The following MEI1 variants were observed in gnomAD, a reference collection of about 807,000 sequenced individuals.
MEI1 encodes meiosis inhibitor protein 1.
In MEI1, 103 loss-of-function variants were observed where a neutral mutation model predicts 146.2. That is an observed-to-expected ratio of 0.70 (90% CI 0.60 to 0.83). The LOEUF is 0.83. Among genes scored for constraint, MEI1 ranks in the 40% least tolerant of loss-of-function variants. The pLI is 0.00. For missense variants in MEI1, 1,529 were observed against 1,533.0 expected (o/e 1.00, Z 0.04); for synonymous variants, 652 against 628.2 (o/e 1.04, Z -0.57).
intron 11 of MEI1, among the ~76,000 whole-genome samples, chr22:41,738,005 G>A (rs888921769): frequency 3.3e-5 from 5 of 152,116 alleles, no homozygotes; most frequent in African/African-American, 1.2e-4. Flanking sequence ...ACACAGTAAT[G>A]TATTCAAATA....
intron 1 of MEI1, 102 bp downstream of exon 1, chr22:41,699,814 A>C: frequency 7.3e-7 from 1 of 1,363,674 alleles, no homozygotes; most frequent in Non-Finnish European, 9.7e-7. Flanking sequence ...CCCGACGCGA[A>C]ACCGGGCCCC....
In MEI1 at chr22:41,776,218, G is replaced by T. The variant is rs776156940; in HGVS notation, c.2661G>T (p.Leu887=). 2 of 1,613,976 alleles carry T rather than the reference G, an allele frequency of 1.2e-6. No individual in the cohort carries two copies. The highest frequency in any genetic ancestry group is 2.2e-5 in the South Asian group (2 of 91,082). ...QVGGLIRGHF[L]LILQRLLVEH... ...GCGGTCTTATCCGAGGCCACTTCCTGCTGATCCTGCAGCGTCTGCTAGTGG... is the reference window on the plus strand; with the variant it reads ...GCGGTCTTATCCGAGGCCACTTCCTTCTGATCCTGCAGCGTCTGCTAGTGG... The change falls in exon 21 of 31, where the codon CTG becomes CTT. Residue 887 remains leucine (L), a synonymous_variant. Transcript: ENST00000401548.
chr22:41,716,636 A>G (rs2070210991), intron 5 of MEI1, among the ~76,000 whole-genome samples: 1 of 149,442 alleles, frequency 6.7e-6, no homozygotes, highest in African/African-American at 2.5e-5. Context: ...TCAGCCTCCC[A>G]AAGTGCTGGG....
At chr22:41,716,438 G>A (rs1478101422) in intron 5 of MEI1, among the ~76,000 whole-genome samples, 3 of 136,044 alleles carry the variant, frequency 2.2e-5, no homozygotes, top group Non-Finnish European at 3.1e-5. Flanking sequence ...GTGCAATGGC[G>A]CAATCTCGAC....
intron 15 of MEI1, among the ~76,000 whole-genome samples, 168 bp downstream of exon 15, chr22:41,748,386 C>G (rs1214469668): frequency 6.6e-6 from 1 of 152,068 alleles, no homozygotes; most frequent in Non-Finnish European, 1.5e-5. Flanking sequence ...AGGCAGCAAT[C>G]AAAAGTCATT....
chr22:41,701,839 C>G (rs73887774), intron 1 of MEI1, among the ~76,000 whole-genome samples: 1,584 of 152,170 alleles, frequency 0.01, 28 homozygotes, highest in African/African-American at 0.037. Context: ...AAGTGGGAGG[C>G]TGATTATCCC....
intron 19 of MEI1, among the ~76,000 whole-genome samples, chr22:41,769,443 A>G (rs2075043675): frequency 6.6e-6 from 1 of 151,848 alleles, no homozygotes; most frequent in South Asian, 2.1e-4. Context: ...AATGAGCCAA[A>G]ACTGTAAAAC....
chr22:41,704,115 G>A (rs1361085874), intron 2 of MEI1, among the ~76,000 whole-genome samples: 1 of 152,200 alleles, frequency 6.6e-6, no homozygotes, highest in African/African-American at 2.4e-5. Context: ...ATATCTTCAT[G>A]TGTGAAGTAT....
At chr22:41,775,108 A>G (rs1034639717) in intron 20 of MEI1, among the ~76,000 whole-genome samples, 2 of 152,222 alleles carry the variant, frequency 1.3e-5, no homozygotes, top group African/African-American at 2.4e-5. Flanking sequence ...GCCAGGAGCT[A>G]TCAGTAGGGT....
At chr22:41,712,767 A>G (rs2147301760) in intron 3 of MEI1, among the ~76,000 whole-genome samples, 1 of 149,008 alleles carries the variant, frequency 6.7e-6, no homozygotes, top group South Asian at 2.1e-4. Flanking sequence ...TTAGACATTC[A>G]ATTGGTCTGG....
chr22:41,727,364 G>A (rs1287412353), intron 7 of MEI1, among the ~76,000 whole-genome samples: 1 of 152,180 alleles, frequency 6.6e-6, no homozygotes, highest in Non-Finnish European at 1.5e-5. Context: ...ATTTCTGAAA[G>A]TGTTAGAGGC....
chr22:41,767,655 A>G (rs1329713233), intron 19 of MEI1: 1 of 452,230 alleles, frequency 2.2e-6, no homozygotes, highest in East Asian at 7.0e-5. Context: ...TTGCTTCTCA[A>G]CATTTCAGCT....
intron 2 of MEI1, among the ~76,000 whole-genome samples, chr22:41,705,088 G>C (rs1217337290): frequency 6.6e-6 from 1 of 152,080 alleles, no homozygotes; most frequent in African/African-American, 2.4e-5. Context: ...AATTTAGCTG[G>C]AACATTGTTT....
chr22:41,755,682 A>G (rs865968477), intron 17 of MEI1, among the ~76,000 whole-genome samples: 1 of 152,190 alleles, frequency 6.6e-6, no homozygotes, highest in Non-Finnish European at 1.5e-5. Context: ...GAAATGCAGC[A>G]CATCTCTCAT....
chr22:41,713,147 A>C (rs960670452), intron 3 of MEI1, among the ~76,000 whole-genome samples: 1 of 152,072 alleles, frequency 6.6e-6, no homozygotes, highest in African/African-American at 2.4e-5. Flanking sequence ...AGGTGAGTCT[A>C]ATGTGCAGCC....
chr22:41,741,980 G>A (rs1236683275), intron 11 of MEI1, among the ~76,000 whole-genome samples: 4 of 150,892 alleles, frequency 2.7e-5, no homozygotes, highest in Admixed American at 2.6e-4. Context: ...AAGTTCTCAG[G>A]CTGGGTGCAG....
Position 41,732,286 on chromosome 22 carries a change from A to T in MEI1, c.1138A>T (p.Met380Leu). 1 of 1,612,502 alleles carries T rather than the reference A, an allele frequency of 6.2e-7. No individual in the cohort carries two copies. The highest frequency in any genetic ancestry group is 1.7e-4 in the Middle Eastern group (1 of 6,044). ...GAGGAGCCTGCAGGGAAGCCTGAAG[A>T]TGAACAACATAGAGCTGCACAAGCA... ...VVRSLQGSLK[M>L]NNIELHKQGL... Residue 380 changes from methionine to leucine, a missense_variant, in exon 10 of 31, where the codon ATG becomes TTG. Transcript: ENST00000401548.
chr22:41,782,754 G>A lies in MEI1; in HGVS notation c.3087+909G>A, dbSNP rs1209967049. Among the ~76,000 whole-genome samples the A allele has an allele frequency of 2.0e-5, 3 of 152,280 alleles. No homozygotes were observed. The South Asian group carries it at 6.2e-4, about 32-fold the overall frequency. The stretch of plus-strand genomic sequence containing the variant: ...AACCTTTCCTAATTTTCCGTGTGAG[G>A]CTGCTGGGCTCATCCAGCTGTCTGC... On this transcript the variant is annotated intron_variant, in intron 24 of 30. Coordinates refer to ENST00000401548, the MANE Select transcript of MEI1 (RefSeq NM_152513.4).
At chr22:41,793,032 CTTTTTTTTTTTTTT>C (rs869223251) in intron 26 of MEI1, among the ~76,000 whole-genome samples, 9 of 48,398 alleles carry the variant, frequency 1.9e-4, no homozygotes, top group Non-Finnish European at 5.0e-4. Context: ...ACAAAGCATT[CTTTTTTTTTTTTTT>C]TTTTTTTTTT....
Sources: allele counts gnomAD v4.1 joint callset (sites outside exome capture counted in the v4.1 genomes callset), GRCh38; gene constraint gnomAD v4.1.1; transcripts MANE v1.5; gene names NCBI Gene and HGNC (gene_info 2026-07-23, HGNC 2026-07-21).